The following KIF1B variants were observed in gnomAD, a reference collection of about 807,000 sequenced individuals.
KIF1B encodes kinesin family member 1B, also known as kinesin-like protein KIF1B.
In KIF1B, 76 loss-of-function variants were observed where a neutral mutation model predicts 241.9. The ratio of observed to expected loss-of-function variants is 0.31; its 90% CI spans 0.26 to 0.38. KIF1B has a LOEUF of 0.38. Ranked by LOEUF, KIF1B falls within the 10% of genes least tolerant of loss-of-function variation. The pLI, the probability that KIF1B is intolerant of heterozygous loss-of-function variation, is 1.00. For missense variants in KIF1B, 1,622 were observed against 2,271.4 expected, an observed-to-expected ratio of 0.71 and a Z score of 5.81; for synonymous variants, 750 against 796.7, an observed-to-expected ratio of 0.94 and a Z score of 0.99.
At chr1:10,319,880 TC>T (rs1302165629) in intron 22 of KIF1B, among the ~76,000 whole-genome samples, 162 bp from the exon 23 acceptor site, 1 of 152,208 alleles carries the variant, frequency 6.6e-6, no homozygotes, top group East Asian at 1.9e-4. Context: ...TGGGTTTTTT[TC>T]CTAAACATTT....
Position 10,326,584 on chromosome 1 carries a change from T to C in KIF1B, c.2924+225T>C, listed in dbSNP as rs17034735. ...GTCTACTCAGCACAATACGTAGCAA[T>C]ATATGAAGACTGCATGGAAGACACC... On this transcript the variant is annotated intron_variant, in intron 27 of 48. Transcript: ENST00000676179. This position sits in a 1 kb window ranked among gnomAD's most constrained non-coding sequence, Gnocchi z 5.2. Among the ~76,000 whole-genome samples, 5,256 of 152,248 alleles carry C rather than the reference T, an allele frequency of 0.035. 287 individuals carry two copies. Among genetic ancestry groups the C allele is most frequent in the African/African-American group, 0.12 (4,905 of 41,518 alleles).
At chr1:10,305,947 CA>C in intron 22 of KIF1B, 3 of 1,054,238 alleles carry the variant, frequency 2.8e-6, no homozygotes, top group Non-Finnish European at 3.4e-6. Context: ...AATCATCTAT[CA>C]AACACTTGTC....
chr1:10,359,381 C>G (rs1280466761), intron 38 of KIF1B, among the ~76,000 whole-genome samples: 1 of 152,148 alleles, frequency 6.6e-6, no homozygotes, highest in South Asian at 2.1e-4. Context: ...TCTTCCCCTC[C>G]ACTTGTCATA....
intron 27 of KIF1B, among the ~76,000 whole-genome samples, chr1:10,330,714 A>G (rs536809500): frequency 2.6e-5 from 4 of 152,202 alleles, no homozygotes; most frequent in African/African-American, 4.8e-5. Flanking sequence ...CCTTATGCAC[A>G]TAGATGTTCA....
chr1:10,299,388 G>A (rs1650429848), intron 22 of KIF1B, among the ~76,000 whole-genome samples: 1 of 152,114 alleles, frequency 6.6e-6, no homozygotes, highest in Admixed American at 6.6e-5. Flanking sequence ...CCTCTCAAAG[G>A]TCTGTCTGTT....
intron 1 of KIF1B, among the ~76,000 whole-genome samples, chr1:10,212,966 G>C (rs868325097): frequency 1.5e-5 from 2 of 134,436 alleles, no homozygotes; most frequent in Middle Eastern, 4.2e-3. Flanking sequence ...GATAGCTTTT[G>C]CTAAGCAAGG....
At chr1:10,220,769 TCTC>T (rs1179626595) in intron 1 of KIF1B, among the ~76,000 whole-genome samples, 8 of 152,092 alleles carry the variant, frequency 5.3e-5, no homozygotes, top group Non-Finnish European at 1.0e-4. Flanking sequence ...TTCAAGCTAT[TCTC>T]CTGCCTCAGC....
chr1:10,324,142 C>G, intron 25 of KIF1B, 80 bp downstream of exon 25: 1 of 1,372,488 alleles, frequency 7.3e-7, no homozygotes, highest in Non-Finnish European at 1.0e-6. Flanking sequence ...CTCCAGCTCT[C>G]CTCTCTCTGA....
At chr1:10,347,438 TA>T (rs965328750) in intron 35 of KIF1B, among the ~76,000 whole-genome samples, 17 of 152,092 alleles carry the variant, frequency 1.1e-4, no homozygotes, top group African/African-American at 3.6e-4. Context: ...TTCTGAATCT[TA>T]AAAAAAACTA....
At chr1:10,324,966 A>C in intron 26 of KIF1B, 71 bp downstream of exon 26, 1 of 1,571,406 alleles carries the variant, frequency 6.4e-7, no homozygotes, top group Admixed American at 1.7e-5. Flanking sequence ...ACCTGAGCAG[A>C]TAATATAAAA....
intron 5 of KIF1B, 79 bp from the exon 6 acceptor site, chr1:10,267,301 T>A (rs994486432): frequency 4.8e-6 from 6 of 1,258,962 alleles, no homozygotes; most frequent in Non-Finnish European, 5.8e-6. Flanking sequence ...GTGCTGGGAT[T>A]ACAGGCGTGA....
chr1:10,216,926 T>C (rs1646774465), intron 1 of KIF1B, among the ~76,000 whole-genome samples: 1 of 150,020 alleles, frequency 6.7e-6, no homozygotes, highest in South Asian at 2.1e-4. Flanking sequence ...TATTGGTTAC[T>C]CTTCTTTTCC....
At chr1:10,244,720 C>G (rs1396808929) in intron 2 of KIF1B, among the ~76,000 whole-genome samples, 1 of 151,604 alleles carries the variant, frequency 6.6e-6, no homozygotes, top group Non-Finnish European at 1.5e-5. Flanking sequence ...TCACGCCATT[C>G]TCCTGCCTCG....
chr1:10,294,167 A>T (rs1650145594), intron 17 of KIF1B, among the ~76,000 whole-genome samples: 1 of 152,214 alleles, frequency 6.6e-6, no homozygotes, highest in African/African-American at 2.4e-5. Context: ...CCTCAAGACC[A>T]TGTGACTTAT....
intron 2 of KIF1B, among the ~76,000 whole-genome samples, chr1:10,237,523 A>C (rs1487759637): frequency 6.6e-6 from 1 of 152,182 alleles, no homozygotes; most frequent in Non-Finnish European, 1.5e-5. Context: ...TATATTTAAC[A>C]ACCTTCCTTT....
intron 27 of KIF1B, among the ~76,000 whole-genome samples, chr1:10,328,684 G>A (rs138575133): frequency 1.7e-3 from 256 of 152,262 alleles, no homozygotes; most frequent in African/African-American, 5.9e-3. Context: ...AAAACTGTTC[G>A]CTTGTGTTCT....
intron 1 of KIF1B, chr1:10,227,938 A>G (rs1646931285): frequency 6.5e-6 from 1 of 154,072 alleles, no homozygotes; most frequent in South Asian, 2.0e-4. Flanking sequence ...TAATCCTAGC[A>G]CTTTGGGAGA....
intron 4 of KIF1B, among the ~76,000 whole-genome samples, 174 bp from the exon 5 acceptor site, chr1:10,261,731 A>G (rs1648158684): frequency 6.6e-6 from 1 of 152,208 alleles, no homozygotes; most frequent in African/African-American, 2.4e-5. Context: ...AATCATGGTT[A>G]TGCAGCGCAT....
Position 10,376,690 on chromosome 1 carries a change from T to C in KIF1B, c.*103T>C. Reference sequence around the variant, plus strand: ...ACGGTGACTCTTGTATGTAATCCTGTGGCTTAACTACTTCTCCCTCCTTGT... The same window carrying C: ...ACGGTGACTCTTGTATGTAATCCTGCGGCTTAACTACTTCTCCCTCCTTGT... On this transcript the variant is annotated 3_prime_UTR_variant, in exon 49 of 49. Coordinates refer to ENST00000676179, the MANE Select transcript of KIF1B (RefSeq NM_001365951.3). The C allele has an allele frequency of 8.5e-7, 1 of 1,175,700 alleles. No homozygotes were observed. Among genetic ancestry groups the C allele is most frequent in the East Asian group, 2.3e-5 (1 of 42,664 alleles). 72.8% of individuals were successfully genotyped at this position (1,175,700 alleles called of 1,614,324 possible). A position where few individuals can be genotyped will look rare whatever the true frequency, so the allele number is the denominator to read the frequency against.
Sources: allele counts gnomAD v4.1 joint callset (sites outside exome capture counted in the v4.1 genomes callset), GRCh38; gene constraint gnomAD v4.1.1; non-coding constraint Gnocchi (gnomAD v3.1); transcripts MANE v1.5; gene names NCBI Gene and HGNC (gene_info 2026-07-23, HGNC 2026-07-21).